AGBL1: variants seen among roughly 807,000 people sequenced by gnomAD.
AGBL1 encodes AGBL carboxypeptidase 1.
A neutral mutation model predicts 118.9 loss-of-function variants in AGBL1; 130 were observed. That is an observed-to-expected ratio of 1.09 (90% CI 0.95 to 1.26). The LOEUF is 1.26. AGBL1 is among the 50% of genes most tolerant of loss of function. The probability of loss-of-function intolerance (pLI) is 0.00; values close to 1 mark genes in which losing one functional copy is unlikely to be tolerated. For missense variants in AGBL1, 1,584 were observed against 1,298.1 expected (o/e 1.22, Z -3.38); for synonymous variants, 555 against 478.9 (o/e 1.16, Z -2.08).
chr15:86,563,703 G>A (rs1273119355), intron 21 of AGBL1, among the ~76,000 whole-genome samples: 4 of 152,116 alleles, frequency 2.6e-5, no homozygotes, highest in African/African-American at 9.7e-5. Context: ...TTTCTGTCTT[G>A]TTGGTCTGTC....
intron 7 of AGBL1, among the ~76,000 whole-genome samples, chr15:86,249,117 G>A (rs1470059622): frequency 6.6e-6 from 1 of 152,038 alleles, no homozygotes; most frequent in East Asian, 1.9e-4. Context: ...ATAGTTTGAG[G>A]CTACATATGC....
chr15:86,403,538 G>T (rs1308130671), intron 18 of AGBL1, among the ~76,000 whole-genome samples: 1 of 152,044 alleles, frequency 6.6e-6, no homozygotes, highest in Admixed American at 6.6e-5. Flanking sequence ...TCCACTGTGG[G>T]TTGTGAAGAC....
chr15:86,745,651 G>A lies in AGBL1; in HGVS notation c.3158+71215G>A, dbSNP rs141455947. On this transcript the variant is annotated intron_variant, in intron 22 of 22. Transcript: ENST00000614907. The stretch of plus-strand genomic sequence containing the variant: ...AAATTTTATTTAAATCCCACCTCCC[G>A]ATTTTATCTGTGAAGAAACAGACCT... Among the ~76,000 whole-genome samples, 19 of 152,118 alleles carry A rather than the reference G, an allele frequency of 1.2e-4. No individual in the cohort carries two copies. The East Asian group carries it at 3.1e-3, about 25-fold the overall frequency.
At chr15:86,087,097 C>G (rs1485636072) in intron 1 of AGBL1, among the ~76,000 whole-genome samples, 1 of 152,158 alleles carries the variant, frequency 6.6e-6, no homozygotes, top group East Asian at 1.9e-4. Context: ...ATACCATTAG[C>G]TAGCGAAAGC....
At chr15:86,781,908 G>C (rs1047166016) in intron 22 of AGBL1, among the ~76,000 whole-genome samples, 5 of 151,582 alleles carry the variant, frequency 3.3e-5, no homozygotes, top group African/African-American at 1.2e-4. Flanking sequence ...AATTGGCCTT[G>C]TTATAGCTAT....
chr15:86,474,832 G>A (rs1190016346), intron 18 of AGBL1, among the ~76,000 whole-genome samples: 1 of 152,182 alleles, frequency 6.6e-6, no homozygotes, highest in East Asian at 1.9e-4. Context: ...CCCCAGTAGG[G>A]GCAGACTGAC....
chr15:86,641,412 T>A lies in AGBL1; in HGVS notation c.2995-32861T>A, dbSNP rs532008064. 4.3e-3 allele frequency among the ~76,000 whole-genome samples: 659 copies of A among 151,552 alleles called. 1 individual carries two copies. The highest frequency in any genetic ancestry group is 0.01 in the South Asian group (50 of 4,804). On this transcript the variant is annotated intron_variant, in intron 21 of 22. Transcript: ENST00000614907. ...TCTAGTTTCTACCACTCAATTTTTT[T>A]TAAAAAAAAAAGCAGTGCCGGTAGT... is the stretch of plus-strand genomic sequence containing the variant.
chr15:86,739,443 C>CAAAAAA (rs34530266), intron 22 of AGBL1, among the ~76,000 whole-genome samples: 12 of 66,508 alleles, frequency 1.8e-4, no homozygotes, highest in East Asian at 4.3e-4. Context: ...AACTCCATCT[C>CAAAAAA]AAAAAAAAAA....
chr15:86,811,952 C>T (rs1032794823), intron 22 of AGBL1, among the ~76,000 whole-genome samples: 1 of 152,186 alleles, frequency 6.6e-6, no homozygotes, highest in Non-Finnish European at 1.5e-5. Flanking sequence ...TTCTTCAACT[C>T]TGAAAAGCAT....
At chr15:86,722,178 A>C (rs1263823254) in intron 22 of AGBL1, among the ~76,000 whole-genome samples, 1 of 152,196 alleles carries the variant, frequency 6.6e-6, no homozygotes, top group Non-Finnish European at 1.5e-5. Context: ...TATGGAACCA[A>C]AAGAGAGCCC....
At chr15:86,156,566 C>G (rs1458158206) in intron 4 of AGBL1, among the ~76,000 whole-genome samples, 1 of 152,108 alleles carries the variant, frequency 6.6e-6, no homozygotes, top group Non-Finnish European at 1.5e-5. Flanking sequence ...AGCTCATAGA[C>G]TTGGTAGATG....
downstream of AGBL1, among the ~76,000 whole-genome samples, chr15:87,030,100 G>T (rs748587673): frequency 3.3e-5 from 5 of 151,892 alleles, no homozygotes; most frequent in Admixed American, 1.3e-4. Flanking sequence ...TAAGGTATCT[G>T]GAAAAACTGC....
At chr15:86,544,682 C>A (rs892993200) in intron 19 of AGBL1, among the ~76,000 whole-genome samples, 2 of 152,126 alleles carry the variant, frequency 1.3e-5, no homozygotes, top group South Asian at 2.1e-4. Context: ...CAAAGACCTA[C>A]CCCCATGATT....
At chr15:86,090,178 G>A (rs561988240) in intron 1 of AGBL1, among the ~76,000 whole-genome samples, 4 of 152,136 alleles carry the variant, frequency 2.6e-5, no homozygotes, top group Admixed American at 6.5e-5. Flanking sequence ...AGTAGCAGTC[G>A]CAATTTAAAC....
At chr15:86,208,025 A>G (rs144489831) in intron 5 of AGBL1, among the ~76,000 whole-genome samples, 2 of 151,506 alleles carry the variant, frequency 1.3e-5, no homozygotes, top group East Asian at 3.9e-4. Flanking sequence ...TTTTTTTAGC[A>G]TGAAAGGCTG....
At chr15:86,918,367 G>A (rs186398583), downstream of AGBL1, among the ~76,000 whole-genome samples, 9 of 152,184 alleles carry the variant, frequency 5.9e-5, no homozygotes, top group East Asian at 1.7e-3. Flanking sequence ...TTCTCCCCAT[G>A]GTGTAACACC....
intron 6 of AGBL1, among the ~76,000 whole-genome samples, chr15:86,234,688 A>T (rs2078511100): frequency 6.6e-6 from 1 of 152,118 alleles, no homozygotes; most frequent in South Asian, 2.1e-4. Context: ...ACTCTGTGCT[A>T]CACTTCCCTC....
intron 22 of AGBL1, among the ~76,000 whole-genome samples, chr15:86,767,915 A>G (rs1300191331): frequency 6.6e-6 from 1 of 151,936 alleles, no homozygotes; most frequent in Non-Finnish European, 1.5e-5. Context: ...GCATAACTCA[A>G]CCTTTTTGGA....
intron 5 of AGBL1, among the ~76,000 whole-genome samples, chr15:86,200,542 A>G (rs1351169814): frequency 1.6e-5 from 2 of 126,460 alleles, no homozygotes; most frequent in Admixed American, 8.1e-5. Context: ...CTAGAGTAAT[A>G]GACCCCTACC....
Sources: gnomAD v4.1 joint callset for allele counts (sites outside exome capture counted in the v4.1 genomes callset) on GRCh38, gnomAD v4.1.1 for gene constraint, MANE v1.5 for transcripts, NCBI Gene and HGNC (gene_info 2026-07-23, HGNC 2026-07-21) for gene names.